HDAC2: variants seen among roughly 807,000 people sequenced by gnomAD.
HDAC2 encodes YY1-associated factor 1.
A neutral mutation model predicts 68.5 loss-of-function variants in HDAC2; 5 were observed. That is an observed-to-expected ratio of 0.07 (90% CI 0.04 to 0.15). The LOEUF (loss-of-function observed/expected upper bound fraction) is 0.15, where lower values mean the gene tolerates loss of function less well. HDAC2 is among the 10% of genes least tolerant of loss of function. The probability of loss-of-function intolerance (pLI) is 1.00; values close to 1 mark genes in which losing one functional copy is unlikely to be tolerated. For synonymous variants in HDAC2, 182 were observed against 191.3 expected, an observed-to-expected ratio of 0.95 and a Z score of 0.40; for missense variants, 291 against 600.8, an observed-to-expected ratio of 0.48 and a Z score of 5.39.
At chr6:113,955,891 T>C in intron 5 of HDAC2, 122 bp downstream of exon 5, 1 of 652,924 alleles carries the variant, frequency 1.5e-6, no homozygotes, top group East Asian at 3.2e-5. Flanking sequence ...TCATAGAAAA[T>C]TCACCATTAA....
intron 8 of HDAC2, chr6:113,947,252 C>T (rs965115848): frequency 3.3e-5 from 5 of 151,926 alleles, no homozygotes; most frequent in African/African-American, 9.7e-5. Flanking sequence ...CAAAACTTGA[C>T]AAAAATGACT....
rs574776701 is a variant in HDAC2, at chr6:113,948,914, C to T, written c.841+65G>A. The T allele has an allele frequency of 9.6e-5, 149 of 1,559,814 alleles. No homozygotes were observed. The African/African-American group carries it at 1.3e-3, about 14-fold the overall frequency. On this transcript the variant is annotated intron_variant, in intron 8 of 13. Coordinates refer to ENST00000519065, the MANE Select transcript of HDAC2 (RefSeq NM_001527.4). ...CAAGAAACTACAATGAGAACTTTTA[C>T]GGGGAGTTCTTGGGTGGAAGAAAAA... is the stretch of plus-strand genomic sequence containing the variant.
rs1016833113 is a variant in HDAC2 at position 113,971,097 on chromosome 6, T to C, written c.-189A>G. 1 of 1,539,006 alleles carries C rather than the reference T, an allele frequency of 6.5e-7. No individual in the cohort carries two copies. The highest frequency in any genetic ancestry group is 8.8e-7 in the Non-Finnish European group (1 of 1,139,572). On this transcript the variant is annotated 5_prime_UTR_variant, in exon 1 of 14. Coordinates refer to ENST00000519065, the MANE Select transcript of HDAC2 (RefSeq NM_001527.4). ...AAGGCTCGGTACCACCCGGCAGAGG[T>C]GCCGAAAGCTCGGAATCGGAGGTGG...
At chr6:113,944,168 A>G (rs1232107861) in intron 11 of HDAC2, 112 bp downstream of exon 11, 7 of 947,824 alleles carry the variant, frequency 7.4e-6, no homozygotes, top group African/African-American at 3.3e-5. Context: ...AAAAATGACA[A>G]TATTAACAGT....
At chr6:113,970,292 G>A (rs1776951561) in intron 1 of HDAC2, 2 of 227,768 alleles carry the variant, frequency 8.8e-6, no homozygotes, top group African/African-American at 2.3e-5. Flanking sequence ...AGCCGAGGAA[G>A]GAGAAGACGC....
intron 1 of HDAC2, chr6:113,970,132 G>C (rs1776944535): frequency 6.6e-6 from 1 of 152,212 alleles, no homozygotes; most frequent in Non-Finnish European, 1.5e-5. Context: ...TGAATCCTGA[G>C]AAAGACGCGC....
At chr6:113,962,476 A>G (rs1255359521) in intron 1 of HDAC2, 3 of 243,174 alleles carry the variant, frequency 1.2e-5, no homozygotes, top group Non-Finnish European at 2.0e-5. Flanking sequence ...AATGAACACA[A>G]GAAACTGTAC....
At chr6:113,958,443 C>A in intron 3 of HDAC2, 1 of 418,802 alleles carries the variant, frequency 2.4e-6, no homozygotes, top group East Asian at 4.7e-5. Flanking sequence ...AATACCCAAA[C>A]AGCAGTTTTG....
intron 2 of HDAC2, 59 bp from the exon 3 acceptor site, chr6:113,958,825 C>A: frequency 1.0e-6 from 1 of 961,582 alleles, no homozygotes; most frequent in South Asian, 1.4e-5. Flanking sequence ...TCAGTATTAT[C>A]AAACAAATAT....
rs1771218840 is a variant in HDAC2, at chr6:113,970,958, C to T, written c.-50G>A. The T allele has an allele frequency of 3.8e-6, 6 of 1,561,912 alleles. No individual in the cohort carries two copies. Among genetic ancestry groups the T allele is most frequent in the South Asian group, 1.2e-5 (1 of 85,544 alleles). ...CGGGCTCCTCCTCCTGCTGCTGCTG[C>T]TGCTGCTGCTGCCGCCGCGGCTCGG... On this transcript the variant is annotated 5_prime_UTR_variant, in exon 1 of 14. Transcript: ENST00000519065.
chr6:113,944,337 C>T lies in HDAC2; in HGVS notation c.1165G>A (p.Ala389Thr), dbSNP rs1182709756. ...TCATCTCCACTGTCTTCATGAACAG[C>T]ATCTTCTGGAATAGCTTGCATCTGG... ...GVQMQAIPED[A>T]VHEDSGDEDG... Residue 389 changes from alanine to threonine, a missense_variant, in exon 11 of 14, where the codon GCT becomes ACT. Physicochemically the swap from Ala to Thr is moderately conservative, Grantham distance 58. Coordinates refer to ENST00000519065, the MANE Select transcript of HDAC2 (RefSeq NM_001527.4). The T allele has an allele frequency of 1.9e-6, 3 of 1,612,836 alleles. No individual in the cohort carries two copies. In the South Asian group the frequency reaches 3.3e-5, roughly 18 times the overall value.
chr6:113,961,907 A>G (rs1165704239), intron 1 of HDAC2, among the ~76,000 whole-genome samples: 2 of 152,176 alleles, frequency 1.3e-5, no homozygotes, highest in Non-Finnish European at 2.9e-5. Context: ...GACACAAACT[A>G]AACAATAACT....
intron 1 of HDAC2, among the ~76,000 whole-genome samples, chr6:113,965,700 T>C (rs1776796972): frequency 6.6e-6 from 1 of 152,218 alleles, no homozygotes; most frequent in South Asian, 2.1e-4. Flanking sequence ...TGCAGTCTTT[T>C]ATTTCCTTCT....
intron 6 of HDAC2, among the ~76,000 whole-genome samples, chr6:113,950,230 CTT>C (rs1776377396): frequency 6.7e-6 from 1 of 148,546 alleles, no homozygotes; most frequent in African/African-American, 2.6e-5. Flanking sequence ...ATTATATATA[CTT>C]ACTTATTTGT....
At chr6:113,954,017 T>C (rs926388386) in intron 5 of HDAC2, among the ~76,000 whole-genome samples, 2 of 152,204 alleles carry the variant, frequency 1.3e-5, no homozygotes, top group Non-Finnish European at 2.9e-5. Context: ...CAGAATCGAT[T>C]AGCTGTGACA....
At chr6:113,966,556 CA>C (rs57345054) in intron 1 of HDAC2, among the ~76,000 whole-genome samples, 2,030 of 107,282 alleles carry the variant, frequency 0.019, 45 homozygotes, top group African/African-American at 0.062. Context: ...AATTCCATCT[CA>C]AAAAAAAAAA....
At chr6:113,950,497 A>G (rs562174870) in intron 6 of HDAC2, among the ~76,000 whole-genome samples, 242 of 151,762 alleles carry the variant, frequency 1.6e-3, no homozygotes, top group African/African-American at 5.6e-3. Context: ...GGTTCAAACA[A>G]TTCTCCTGTC....
intron 13 of HDAC2, among the ~76,000 whole-genome samples, chr6:113,941,339 C>A (rs1224856400): frequency 6.6e-6 from 1 of 151,990 alleles, no homozygotes; most frequent in Non-Finnish European, 1.5e-5. Flanking sequence ...CACTAAAATC[C>A]TCAACTGTTT....
intron 12 of HDAC2, among the ~76,000 whole-genome samples, chr6:113,941,995 G>A (rs1456446958): frequency 6.6e-6 from 1 of 151,862 alleles, no homozygotes; most frequent in Non-Finnish European, 1.5e-5. Context: ...CCTAACTCTA[G>A]GTTTTGACCT....
Sources: gnomAD v4.1 joint callset for allele counts (sites outside exome capture counted in the v4.1 genomes callset) on GRCh38, gnomAD v4.1.1 for gene constraint, MANE v1.5 for transcripts, NCBI Gene and HGNC (gene_info 2026-07-23, HGNC 2026-07-21) for gene names.